Variants in DEUP1 observed in about 807,000 individuals in gnomAD.
DEUP1 encodes the protein coiled-coil domain containing 67.
In DEUP1, 82 loss-of-function variants were observed where a neutral mutation model predicts 87.4. The observed-to-expected ratio is 0.94, with a 90% CI of 0.78 to 1.13. The LOEUF is 1.13. Ranked by LOEUF, DEUP1 falls within the 50% of genes most tolerant of loss-of-function variation. The pLI is 0.00. For synonymous variants in DEUP1, 214 were observed against 222.7 expected, an observed-to-expected ratio of 0.96 and a Z score of 0.35; for missense variants, 663 against 681.5, an observed-to-expected ratio of 0.97 and a Z score of 0.30.
At chr11:93,435,855 G>T (rs974952403) in intron 13 of DEUP1, among the ~76,000 whole-genome samples, 5 of 152,096 alleles carry the variant, frequency 3.3e-5, no homozygotes, top group African/African-American at 7.2e-5. Context: ...AATTAGCCGG[G>T]AGTGGTGGCG....
intron 11 of DEUP1, among the ~76,000 whole-genome samples, chr11:93,399,536 G>GT (rs1444506642): frequency 1.3e-5 from 2 of 151,316 alleles, no homozygotes; most frequent in African/African-American, 4.8e-5. Context: ...ATTCCTAGGT[G>GT]TTTTTTAAGG....
chr11:93,383,790 T>C (rs182738021), intron 7 of DEUP1, among the ~76,000 whole-genome samples: 1 of 152,268 alleles, frequency 6.6e-6, no homozygotes, highest in East Asian at 1.9e-4. Flanking sequence ...TCCCATCCTG[T>C]CTTTACCAAT....
intron 7 of DEUP1, among the ~76,000 whole-genome samples, chr11:93,379,999 T>C (rs1252901263): frequency 6.6e-6 from 1 of 152,182 alleles, no homozygotes; most frequent in African/African-American, 2.4e-5. Context: ...TCATTTAAAT[T>C]AGTGGCTCTA....
At chr11:93,429,514 C>T (rs757995311) in intron 13 of DEUP1, among the ~76,000 whole-genome samples, 4 of 152,016 alleles carry the variant, frequency 2.6e-5, no homozygotes, top group African/African-American at 7.3e-5. Context: ...AATTAGTGTC[C>T]GCTCAAATAT....
intron 3 of DEUP1, among the ~76,000 whole-genome samples, chr11:93,355,898 A>G (rs1346326726): frequency 6.6e-6 from 1 of 152,240 alleles, no homozygotes; most frequent in Non-Finnish European, 1.5e-5. Context: ...GGCAGAGTTC[A>G]GTAACATTTG....
At chr11:93,373,061 CTTACA>C (rs1945819498) in intron 7 of DEUP1, among the ~76,000 whole-genome samples, 1 of 152,196 alleles carries the variant, frequency 6.6e-6, no homozygotes, top group African/African-American at 2.4e-5. Flanking sequence ...GCAACCTATA[CTTACA>C]TTTTGCAGCT....
intron 12 of DEUP1, chr11:93,410,965 T>C (rs1947420179): frequency 6.6e-6 from 1 of 152,218 alleles, no homozygotes; most frequent in African/African-American, 2.4e-5. Flanking sequence ...ATTAAATTTG[T>C]TTTAATGCCT....
rs1046883864 is a variant in DEUP1, at chr11:93,405,903, A to G, written c.1327-2328A>G. Among the ~76,000 whole-genome samples the G allele has an allele frequency of 2.6e-5, 4 of 152,050 alleles. No homozygotes were observed. In the South Asian group the frequency reaches 8.3e-4, roughly 31 times the overall value. On this transcript the variant is annotated intron_variant, in intron 11 of 13. Coordinates refer to ENST00000298050, the MANE Select transcript of DEUP1 (RefSeq NM_181645.4). ...GAGCTTCGAAAAAGATGTTTTACTC[A>G]GGTTATTTTTGTATGCTAAAATATT...
At chr11:93,406,261 T>G (rs1208352767) in intron 11 of DEUP1, among the ~76,000 whole-genome samples, 1 of 151,904 alleles carries the variant, frequency 6.6e-6, no homozygotes, top group Admixed American at 6.6e-5. Context: ...GGAAGATACA[T>G]TGCTCAGAAT....
intron 12 of DEUP1, 41 bp downstream of exon 12, chr11:93,408,468 A>G: frequency 2.5e-6 from 3 of 1,218,710 alleles, no homozygotes; most frequent in East Asian, 2.6e-5. Context: ...GTTTAAAAAC[A>G]TGTAATTAAA....
intron 11 of DEUP1, among the ~76,000 whole-genome samples, chr11:93,401,533 G>C (rs1240311290): frequency 6.6e-6 from 1 of 151,978 alleles, no homozygotes; most frequent in Admixed American, 6.6e-5. Context: ...TATACTACCT[G>C]ACTTCAAAAT....
intron 13 of DEUP1, among the ~76,000 whole-genome samples, chr11:93,435,235 C>A (rs1482762147): frequency 6.6e-6 from 1 of 152,094 alleles, no homozygotes; most frequent in African/African-American, 2.4e-5. Context: ...GCTGGCTGGT[C>A]TCCTTGAGGG....
intron 11 of DEUP1, among the ~76,000 whole-genome samples, chr11:93,402,691 A>G (rs924459175): frequency 1.3e-5 from 2 of 152,010 alleles, no homozygotes; most frequent in African/African-American, 4.8e-5. Context: ...ATAAAAAATA[A>G]AAAATAAAAT....
At chr11:93,341,597 A>T (rs556681591) in intron 2 of DEUP1, among the ~76,000 whole-genome samples, 1 of 152,154 alleles carries the variant, frequency 6.6e-6, no homozygotes, top group South Asian at 2.1e-4. Flanking sequence ...TTGAGTTTCA[A>T]ACAAAATGCT....
intron 13 of DEUP1, 147 bp from the exon 14 acceptor site, chr11:93,437,396 C>A: frequency 1.7e-6 from 1 of 600,140 alleles, no homozygotes. Context: ...CTGAATTACA[C>A]TAGTAGTGGG....
At chr11:93,402,622 A>C (rs1388144386) in intron 11 of DEUP1, among the ~76,000 whole-genome samples, 1 of 152,002 alleles carries the variant, frequency 6.6e-6, no homozygotes, top group Non-Finnish European at 1.5e-5. Context: ...TTATCAGTGG[A>C]CGAATGGATT....
intron 10 of DEUP1, 25 bp from the exon 11 acceptor site, chr11:93,396,214 T>C: frequency 1.4e-6 from 2 of 1,384,590 alleles, no homozygotes; most frequent in Non-Finnish European, 9.9e-7. Flanking sequence ...GAATTTTACA[T>C]TTGCCTTTTA....
At chr11:93,402,327 A>G (rs1242563628) in intron 11 of DEUP1, among the ~76,000 whole-genome samples, 2 of 152,038 alleles carry the variant, frequency 1.3e-5, no homozygotes, top group Admixed American at 6.6e-5. Flanking sequence ...TCCAGTTAAA[A>G]TGACTTTTAT....
chr11:93,372,005 T>C (rs1945754630), intron 7 of DEUP1, among the ~76,000 whole-genome samples: 2 of 150,306 alleles, frequency 1.3e-5, no homozygotes, highest in South Asian at 4.2e-4. Flanking sequence ...CTCGGCTCAC[T>C]GCAAGCTCCG....
Sources: allele counts gnomAD v4.1 joint callset (sites outside exome capture counted in the v4.1 genomes callset), GRCh38; gene constraint gnomAD v4.1.1; transcripts MANE v1.5; gene names NCBI Gene and HGNC (gene_info 2026-07-23, HGNC 2026-07-21).